Variants in MAST4 observed in about 807,000 individuals in gnomAD.
The protein encoded by MAST4 is microtubule associated serine/threonine kinase family member 4, also known as microtubule-associated serine/threonine-protein kinase 4.
In MAST4, 89 loss-of-function variants were observed where a neutral mutation model predicts 162.7. The observed-to-expected ratio is 0.55, with a 90% CI of 0.46 to 0.65. The LOEUF (loss-of-function observed/expected upper bound fraction) is 0.65, where lower values mean the gene tolerates loss of function less well. MAST4 is among the 30% of genes least tolerant of loss of function. The probability of loss-of-function intolerance (pLI) is 0.00; values close to 1 mark genes in which losing one functional copy is unlikely to be tolerated. For synonymous variants in MAST4, 1,479 were observed against 1,361.1 expected (o/e 1.09, Z -1.91); for missense variants, 3,153 against 3,374.0 (o/e 0.93, Z 1.62).
At chr5:66,979,794 G>A (rs1236567802) in intron 4 of MAST4, among the ~76,000 whole-genome samples, 2 of 152,212 alleles carry the variant, frequency 1.3e-5, no homozygotes, top group Non-Finnish European at 2.9e-5. Context: ...AACTTTGTGA[G>A]AAACAATGGT....
At chr5:66,936,683 G>T (rs1244635427) in intron 4 of MAST4, among the ~76,000 whole-genome samples, 1 of 152,184 alleles carries the variant, frequency 6.6e-6, no homozygotes. Flanking sequence ...GGTCACAGGG[G>T]ATATGATGGC....
At chr5:67,069,313 A>ATATATATATATAT (rs1230619144) in intron 5 of MAST4, among the ~76,000 whole-genome samples, 704 of 65,158 alleles carry the variant, frequency 0.011, 13 homozygotes, top group Non-Finnish European at 0.014. Flanking sequence ...TATATATATA[A>ATATATATATATAT]AATTTTAAAA....
intron 27 of MAST4, among the ~76,000 whole-genome samples, chr5:67,161,604 T>C (rs1346984328): frequency 2.6e-5 from 4 of 152,192 alleles, no homozygotes; most frequent in African/African-American, 9.7e-5. Flanking sequence ...TAGCAATATG[T>C]AGACAAATGG....
chr5:66,598,376 A>G (rs1742334631), intron 1 of MAST4, among the ~76,000 whole-genome samples: 1 of 152,214 alleles, frequency 6.6e-6, no homozygotes, highest in African/African-American at 2.4e-5. Flanking sequence ...AATCTGTAAA[A>G]GGAGGAGCTT....
intron 1 of MAST4, among the ~76,000 whole-genome samples, chr5:66,639,299 T>C (rs1479742094): frequency 6.6e-6 from 1 of 151,642 alleles, no homozygotes; most frequent in African/African-American, 2.4e-5. Flanking sequence ...TGTGTGTGTG[T>C]GTGTGTGTGT....
intron 1 of MAST4, among the ~76,000 whole-genome samples, chr5:66,745,453 T>C (rs1696537225): frequency 6.6e-6 from 1 of 152,178 alleles, no homozygotes; most frequent in African/African-American, 2.4e-5. Context: ...AAAATAATTA[T>C]AGCATGTGTT....
At chr5:67,117,968 A>G (rs1767121490) in intron 12 of MAST4, among the ~76,000 whole-genome samples, 1 of 152,216 alleles carries the variant, frequency 6.6e-6, no homozygotes, top group South Asian at 2.1e-4. Flanking sequence ...GATTAATAAT[A>G]AATAATCAAC....
Position 67,165,510 on chromosome 5 carries a change from T to C in MAST4, c.6331T>C (p.Leu2111=). 6.2e-7 allele frequency: 1 copy of C among 1,613,974 alleles called. No individual in the cohort carries two copies. The highest frequency in any genetic ancestry group is 8.5e-7 in the Non-Finnish European group (1 of 1,179,894). The change falls in exon 29 of 29, where the codon TTG becomes CTG. Residue 2111 remains leucine, a synonymous_variant. Coordinates refer to ENST00000403625, the MANE Select transcript of MAST4 (RefSeq NM_001164664.2). ...TGAAAAGCTCTCCAGTTTCCCATCTTTGCAGAAAGATGGTGCCAAGGAACC... is the reference window on the plus strand; with the variant it reads ...TGAAAAGCTCTCCAGTTTCCCATCTCTGCAGAAAGATGGTGCCAAGGAACC... ...KSEKLSSFPS[L]QKDGAKEPER... is the part of the protein sequence containing the mutation.
At chr5:66,921,157 T>TA (rs35286570) in intron 4 of MAST4, among the ~76,000 whole-genome samples, 1,898 of 152,232 alleles carry the variant, frequency 0.012, 30 homozygotes, top group South Asian at 0.053. Flanking sequence ...AACATTGGGT[T>TA]AAAAAAATCA....
intron 4 of MAST4, among the ~76,000 whole-genome samples, chr5:66,905,341 C>A (rs1467236061): frequency 6.7e-6 from 1 of 149,216 alleles, no homozygotes; most frequent in African/African-American, 2.5e-5. Context: ...GGATATCCAG[C>A]AGCAGGAACC....
At chr5:66,975,841 A>G (rs1259840107) in intron 4 of MAST4, among the ~76,000 whole-genome samples, 1 of 152,140 alleles carries the variant, frequency 6.6e-6, no homozygotes, top group Non-Finnish European at 1.5e-5. Flanking sequence ...CTAAAAATAC[A>G]AAAATTAGCT....
intron 1 of MAST4, among the ~76,000 whole-genome samples, chr5:66,630,213 C>A (rs1744708909): frequency 1.3e-5 from 2 of 152,186 alleles, no homozygotes; most frequent in Admixed American, 6.5e-5. Context: ...AAAACCACTG[C>A]TCTAGGATGT....
intron 1 of MAST4, among the ~76,000 whole-genome samples, chr5:66,652,527 G>T (rs4560501): frequency 0.27 from 41,290 of 152,084 alleles, 5,820 homozygotes; most frequent in African/African-American, 0.32. Flanking sequence ...CAAAGTAGTT[G>T]TAATTAAAAT....
At chr5:66,773,459 G>A (rs1754447946) in intron 2 of MAST4, among the ~76,000 whole-genome samples, 1 of 152,230 alleles carries the variant, frequency 6.6e-6, no homozygotes, top group Non-Finnish European at 1.5e-5. Context: ...TTAACTCATT[G>A]CTGACTTGTG....
intron 4 of MAST4, among the ~76,000 whole-genome samples, chr5:66,985,732 T>C (rs1213431307): frequency 6.6e-6 from 1 of 152,100 alleles, no homozygotes; most frequent in Non-Finnish European, 1.5e-5. Flanking sequence ...GGAAAGGGAA[T>C]CAAAACAAAG....
intron 4 of MAST4, among the ~76,000 whole-genome samples, chr5:66,984,058 G>A (rs1238376024): frequency 6.6e-6 from 1 of 152,178 alleles, no homozygotes; most frequent in Non-Finnish European, 1.5e-5. Context: ...TGACAGACAG[G>A]ATAGAGAAAG....
intron 1 of MAST4, among the ~76,000 whole-genome samples, chr5:66,730,498 A>T (rs1751774433): frequency 6.6e-6 from 1 of 152,124 alleles, no homozygotes. Context: ...CAGGTAATGG[A>T]GGAAAATGTT....
At chr5:67,078,528 G>A (rs1023163916) in intron 5 of MAST4, among the ~76,000 whole-genome samples, 2 of 149,844 alleles carry the variant, frequency 1.3e-5, no homozygotes, top group African/African-American at 4.9e-5. Context: ...CTTGATTGTG[G>A]TAATCATTTT....
intron 14 of MAST4, among the ~76,000 whole-genome samples, chr5:67,125,858 C>T (rs1203992932): frequency 2.6e-5 from 4 of 152,180 alleles, no homozygotes; most frequent in African/African-American, 9.7e-5. Context: ...AACTAATTTA[C>T]ACTCCCACCA....
Sources: allele counts gnomAD v4.1 joint callset (sites outside exome capture counted in the v4.1 genomes callset), GRCh38; gene constraint gnomAD v4.1.1; transcripts MANE v1.5; gene names NCBI Gene and HGNC (gene_info 2026-07-23, HGNC 2026-07-21).